MAP2K5: variants seen among roughly 807,000 people sequenced by gnomAD.
MAP2K5 encodes dual specificity mitogen-activated protein kinase kinase 5.
MAP2K5 carries 49 observed loss-of-function variants against 83.1 expected under a neutral mutation model. The ratio of observed to expected loss-of-function variants is 0.59; its 90% CI spans 0.47 to 0.75. The LOEUF (loss-of-function observed/expected upper bound fraction) is 0.75, where lower values mean the gene tolerates loss of function less well. Among genes scored for constraint, MAP2K5 ranks in the 30% least tolerant of loss-of-function variants. The pLI, the probability that MAP2K5 is intolerant of heterozygous loss-of-function variation, is 0.00. For missense variants in MAP2K5, 457 were observed against 557.5 expected (o/e 0.82, Z 1.82); for synonymous variants, 202 against 191.8 (o/e 1.05, Z -0.44).
intron 15 of MAP2K5, among the ~76,000 whole-genome samples, chr15:67,694,486 GAT>G (rs1048636731): frequency 4.6e-5 from 7 of 152,070 alleles, no homozygotes; most frequent in African/African-American, 1.7e-4. Context: ...AAGATTTAGG[GAT>G]GGAAAAAACA....
chr15:67,590,446 C>CTCTCTCTCTCTCTCTCTCTCT (rs1555529574), intron 6 of MAP2K5, among the ~76,000 whole-genome samples: 138 of 30,506 alleles, frequency 4.5e-3, no homozygotes, highest in East Asian at 0.01. Flanking sequence ...TCCCTCCCTC[C>CTCTCTCTCTCTCTCTCTCTCT]CTCTCTCTCT....
rs888793036 is a variant in MAP2K5, at chr15:67,708,160, A to AT, written c.1044+4762dup. 3.6e-4 allele frequency among the ~76,000 whole-genome samples: 54 copies of AT among 149,948 alleles called. 1 individual carries two copies. Among genetic ancestry groups the AT allele is most frequent in the South Asian group, 1.1e-3 (5 of 4,708 alleles). On this transcript the variant is annotated intron_variant, in intron 16 of 21. Coordinates refer to ENST00000178640, the MANE Select transcript of MAP2K5 (RefSeq NM_145160.3). This position sits in a 1 kb window ranked among gnomAD's most constrained non-coding sequence, Gnocchi z 4.9. ...GCAAGACTCCATCTCTAAAAAAACAATTTTTTTTTTCATTTAGCCAGGAAT... is the reference window on the plus strand; with the variant it reads ...GCAAGACTCCATCTCTAAAAAAACAATTTTTTTTTTTCATTTAGCCAGGAAT...
rs368492275 is a variant in MAP2K5 at position 67,704,781 on chromosome 15, G to T, written c.1044+1373G>T. On this transcript the variant is annotated intron_variant, in intron 16 of 21. Coordinates refer to ENST00000178640, the MANE Select transcript of MAP2K5 (RefSeq NM_145160.3). Reference sequence around the variant, plus strand: ...GGGGAAACTAGTGTTTTTGATTTGTGGGACTCAGTATTGCTGTTATACAAT... The same window carrying T: ...GGGGAAACTAGTGTTTTTGATTTGTTGGACTCAGTATTGCTGTTATACAAT... Among the ~76,000 whole-genome samples the T allele has an allele frequency of 3.3e-5, 5 of 152,216 alleles. No homozygotes were observed. The East Asian group carries it at 9.6e-4, about 29-fold the overall frequency.
rs1370725054 is a variant in MAP2K5, at chr15:67,652,120, G to A, written c.736+5651G>A. 1.3e-5 allele frequency among the ~76,000 whole-genome samples: 2 copies of A among 152,128 alleles called. No individual in the cohort carries two copies. Among genetic ancestry groups the A allele is most frequent in the Non-Finnish European group, 2.9e-5 (2 of 68,022 alleles). ...TTGCATTTCCCTGGTGATTAGTGAT[G>A]TCAAACATTTTTTCAAATGCCTTAC... On this transcript the variant is annotated intron_variant, in intron 11 of 21. Coordinates refer to ENST00000178640, the MANE Select transcript of MAP2K5 (RefSeq NM_145160.3). This position sits in a 1 kb window ranked among gnomAD's most constrained non-coding sequence, Gnocchi z 4.2.
intron 8 of MAP2K5, among the ~76,000 whole-genome samples, chr15:67,604,668 A>G (rs1442593125): frequency 6.6e-6 from 1 of 152,088 alleles, no homozygotes; most frequent in Non-Finnish European, 1.5e-5. Flanking sequence ...AGGCCGAGGC[A>G]GGTGGATCAC....
intron 17 of MAP2K5, among the ~76,000 whole-genome samples, chr15:67,745,070 T>C (rs572070816): frequency 1.1e-4 from 17 of 152,130 alleles, no homozygotes; most frequent in Non-Finnish European, 2.4e-4. Context: ...AAGAGGTTCA[T>C]CTATCAAAAT....
At position 67,689,919 on chromosome 15, in the gene MAP2K5, A is replaced by G. The variant is rs568716889; in HGVS notation, c.848-2560A>G. On this transcript the variant is annotated intron_variant, in intron 13 of 21. Coordinates refer to ENST00000178640, the MANE Select transcript of MAP2K5 (RefSeq NM_145160.3). ...GAATGGTTTAGGGCAAACTTGTCCA[A>G]CCCATGCTCCACGGGCCACATGAGC... is the stretch of plus-strand genomic sequence containing the variant. Among the ~76,000 whole-genome samples the G allele has an allele frequency of 5.9e-5, 9 of 152,292 alleles. No homozygotes were observed. In the South Asian group the frequency reaches 1.9e-3, roughly 32 times the overall value.
In MAP2K5 at chr15:67,706,314, T is replaced by C. The variant is rs916962824; in HGVS notation, c.1044+2906T>C. The stretch of plus-strand genomic sequence containing the variant: ...TTTATCCTGGAGATAAACTATTGAA[T>C]ATTCTGTGGAGGACTGAAGAAAACA... On this transcript the variant is annotated intron_variant, in intron 16 of 21. Transcript: ENST00000178640. Among the ~76,000 whole-genome samples the C allele has an allele frequency of 3.3e-5, 5 of 152,204 alleles. No homozygotes were observed. In the South Asian group the frequency reaches 6.2e-4, roughly 19 times the overall value.
intron 2 of MAP2K5, among the ~76,000 whole-genome samples, chr15:67,560,055 T>C (rs755000233): frequency 6.6e-6 from 1 of 152,268 alleles, no homozygotes. Context: ...GAATCTTGGC[T>C]AGATGGGCTG....
intron 6 of MAP2K5, chr15:67,588,122 C>A: frequency 1.0e-6 from 1 of 985,162 alleles, no homozygotes; most frequent in Non-Finnish European, 1.2e-6. Flanking sequence ...GAAGTGTAAC[C>A]TCCATAGCAG....
chr15:67,664,741 C>A, intron 13 of MAP2K5, 96 bp downstream of exon 13: 1 of 741,414 alleles, frequency 1.3e-6, no homozygotes, highest in Non-Finnish European at 2.3e-6. Context: ...GACATTTAAG[C>A]CAGCTGATAC....
intron 16 of MAP2K5, among the ~76,000 whole-genome samples, chr15:67,710,357 T>C (rs1036683990): frequency 1.3e-5 from 2 of 152,132 alleles, no homozygotes; most frequent in Admixed American, 1.3e-4. Context: ...CAGTGTTTTA[T>C]TGAAGTGGTT....
rs74604735 is a variant in MAP2K5 at position 67,800,802 on chromosome 15, C to T, written c.1243-5844C>T. ...CATGCATGTGTACGTCCTAAGTGGACGTCTTTTTTCAAATGACCAGTGCAC... is the reference window on the plus strand; with the variant it reads ...CATGCATGTGTACGTCCTAAGTGGATGTCTTTTTTCAAATGACCAGTGCAC... On this transcript the variant is annotated intron_variant, in intron 21 of 21. Transcript: ENST00000178640. Among the ~76,000 whole-genome samples, 435 of 152,192 alleles carry T rather than the reference C, an allele frequency of 2.9e-3. 2 individuals are homozygous for T. The highest frequency in any genetic ancestry group is 0.01 in the African/African-American group (417 of 41,516).
At chr15:67,806,532 T>C in intron 21 of MAP2K5, 114 bp from the exon 22 acceptor site, 1 of 914,752 alleles carries the variant, frequency 1.1e-6, no homozygotes, top group Non-Finnish European at 1.6e-6. Flanking sequence ...CCTCGTTACC[T>C]CACAGGGTTA....
At chr15:67,547,274 T>A (rs1334227323) in intron 1 of MAP2K5, among the ~76,000 whole-genome samples, 1 of 152,150 alleles carries the variant, frequency 6.6e-6, no homozygotes, top group East Asian at 1.9e-4. Flanking sequence ...CTTCCTAAAG[T>A]CAAGGATCAA....
rs1405797669 is a variant in MAP2K5, at chr15:67,782,903, A to G, written c.1242+10151A>G. On this transcript the variant is annotated intron_variant, in intron 21 of 21. Coordinates refer to ENST00000178640, the MANE Select transcript of MAP2K5 (RefSeq NM_145160.3). This position sits in a 1 kb window ranked among gnomAD's most constrained non-coding sequence, Gnocchi z 4.9. ...GGCGCTGTCTCCTTCCTGCCTTCAG[A>G]AACGGCCCCCTTTTCAGCTCTCCTG... is the stretch of plus-strand genomic sequence containing the variant. Among the ~76,000 whole-genome samples, 1 of 152,230 alleles carries G rather than the reference A, an allele frequency of 6.6e-6. No homozygotes were observed. The highest frequency in any genetic ancestry group is 1.9e-4 in the East Asian group (1 of 5,200).
intron 21 of MAP2K5, among the ~76,000 whole-genome samples, chr15:67,789,045 A>T (rs2090468350): frequency 6.6e-6 from 1 of 151,980 alleles, no homozygotes. Context: ...AATCCTCCAT[A>T]TCTTCCAGCC....
At chr15:67,595,625 T>C (rs1027475077) in intron 7 of MAP2K5, among the ~76,000 whole-genome samples, 6 of 152,264 alleles carry the variant, frequency 3.9e-5, no homozygotes, top group Admixed American at 2.6e-4. Context: ...ATTTCATTAA[T>C]ATATTAAATC....
chr15:67,761,213 T>C (rs2089943013), intron 19 of MAP2K5, among the ~76,000 whole-genome samples: 1 of 151,182 alleles, frequency 6.6e-6, no homozygotes. Flanking sequence ...AACTTGTTCA[T>C]TTCACAGTAT....
Sources: gnomAD v4.1 joint callset for allele counts (sites outside exome capture counted in the v4.1 genomes callset) on GRCh38, gnomAD v4.1.1 for gene constraint, Gnocchi (gnomAD v3.1) non-coding constraint, MANE v1.5 for transcripts, NCBI Gene and HGNC (gene_info 2026-07-23, HGNC 2026-07-21) for gene names.